The following MRRF variants were observed in gnomAD, a reference collection of about 807,000 sequenced individuals.
The protein encoded by MRRF is mitochondrial ribosome recycling factor, also known as ribosome-recycling factor, mitochondrial.
In MRRF, 18 loss-of-function variants were observed where a neutral mutation model predicts 25.1. The observed-to-expected ratio is 0.72, with a 90% CI of 0.50 to 1.06. The LOEUF (loss-of-function observed/expected upper bound fraction) is 1.06, where lower values mean the gene tolerates loss of function less well. Ranked by LOEUF, MRRF falls within the 50% of genes least tolerant of loss-of-function variation. The probability of loss-of-function intolerance (pLI) is 0.00; values close to 1 mark genes in which losing one functional copy is unlikely to be tolerated. For missense variants in MRRF, 323 were observed against 319.3 expected (o/e 1.01, Z -0.09); for synonymous variants, 113 against 112.1 (o/e 1.01, Z -0.05).
chr9:122,274,938 C>T (rs894387470), intron 2 of MRRF, among the ~76,000 whole-genome samples: 1 of 151,932 alleles, frequency 6.6e-6, no homozygotes, highest in Non-Finnish European at 1.5e-5. Flanking sequence ...CTGTTTCTAT[C>T]CTCTGAGTTG....
Position 122,291,803 on chromosome 9 carries a change from G to A in MRRF, c.514G>A (p.Glu172Lys). The change falls in exon 5 of 7, where the codon GAA becomes AAA. Residue 172 changes from glutamate to lysine, a missense_variant. Glu to Lys is a moderately conservative substitution (Grantham distance 56, BLOSUM62 1). Coordinates refer to ENST00000344641, the MANE Select transcript of MRRF (RefSeq NM_138777.5). The part of the protein sequence containing the change: ...IRESGMNLNP[E>K]VEGTLIRVPI... Reference sequence around the variant, plus strand: ...AGAAAGTGGAATGAATCTGAACCCAGAAGTGGAAGGGACGCTAATTCGGGT... The same window carrying A: ...AGAAAGTGGAATGAATCTGAACCCAAAAGTGGAAGGGACGCTAATTCGGGT... The A allele has an allele frequency of 6.2e-7, 1 of 1,614,012 alleles. No individual in the cohort carries two copies. Among genetic ancestry groups the A allele is most frequent in the Non-Finnish European group, 8.5e-7 (1 of 1,179,850 alleles).
intron 3 of MRRF, among the ~76,000 whole-genome samples, chr9:122,282,521 T>C (rs1833144107): frequency 6.6e-6 from 1 of 152,222 alleles, no homozygotes. Context: ...GAAGACCAAA[T>C]GACTTGGAGT....
chr9:122,285,627 T>C (rs778419002), intron 4 of MRRF: 6 of 570,864 alleles, frequency 1.1e-5, no homozygotes, highest in Non-Finnish European at 1.7e-5. Flanking sequence ...TCTGCCCAGC[T>C]CCTGCTGATC....
chr9:122,272,346 G>C (rs1031731524), intron 2 of MRRF, among the ~76,000 whole-genome samples: 1 of 152,164 alleles, frequency 6.6e-6, no homozygotes, highest in African/African-American at 2.4e-5. Context: ...GGGCTATTCA[G>C]TTTTGTCTTC....
chr9:122,313,505 A>G, intron 6 of MRRF, 119 bp downstream of exon 6: 3 of 1,151,506 alleles, frequency 2.6e-6, no homozygotes, highest in Non-Finnish European at 3.9e-6. Context: ...CATTATCACC[A>G]TTGTCTGAGT....
intron 5 of MRRF, among the ~76,000 whole-genome samples, chr9:122,311,559 A>AT (rs1404162290): frequency 2.0e-5 from 3 of 152,084 alleles, no homozygotes; most frequent in Non-Finnish European, 4.4e-5. Flanking sequence ...CTATATTATG[A>AT]TTTTGTTTTC....
At position 122,284,786 on chromosome 9, in the gene MRRF, AATT is replaced by A. The variant is rs772619150; in HGVS notation, c.341-370_341-368del. Among the ~76,000 whole-genome samples, 4 of 152,106 alleles carry A rather than the reference AATT, an allele frequency of 2.6e-5. No individual in the cohort carries two copies. The East Asian group carries it at 5.8e-4, about 22-fold the overall frequency. Reference sequence around the variant, plus strand: ...AATCCCTAAATGTTTGTTGAATCTGAATTATTATTATTATTTTGAGACAAGATC... The same window carrying A: ...AATCCCTAAATGTTTGTTGAATCTGAATTATTATTATTTTGAGACAAGATC... On this transcript the variant is annotated intron_variant, in intron 3 of 6. Coordinates refer to ENST00000344641, the MANE Select transcript of MRRF (RefSeq NM_138777.5).
Position 122,322,546 on chromosome 9 carries a change from C to G in MRRF, c.718C>G (p.Gln240Glu). 6.2e-7 allele frequency: 1 copy of G among 1,614,086 alleles called. No individual in the cohort carries two copies. Among genetic ancestry groups the G allele is most frequent in the Non-Finnish European group, 8.5e-7 (1 of 1,180,008 alleles). The stretch of plus-strand genomic sequence containing the variant: ...TCATTTTGTGTTCTTGCAGATCAGC[C>G]AAATGGCCGATGACACAGTGGCAGA... Reference protein sequence around the residue: ...TIRLIEKQISQMADDTVAELD... With the variant: ...TIRLIEKQISEMADDTVAELD... The change falls in exon 7 of 7, where the codon CAA becomes GAA. Residue 240 changes from glutamine to glutamate, a missense_variant. Transcript: ENST00000344641.
chr9:122,302,232 T>C (rs970647525), intron 5 of MRRF, among the ~76,000 whole-genome samples: 1 of 152,196 alleles, frequency 6.6e-6, no homozygotes, highest in Non-Finnish European at 1.5e-5. Context: ...ACTCAATGGT[T>C]TTTAGTACTG....
At chr9:122,317,084 A>G (rs1251275974) in intron 6 of MRRF, among the ~76,000 whole-genome samples, 1 of 150,252 alleles carries the variant, frequency 6.7e-6, no homozygotes, top group Non-Finnish European at 1.5e-5. Context: ...ATATATATAT[A>G]TATAAATCTT....
At chr9:122,274,896 C>T (rs1446107208) in intron 2 of MRRF, among the ~76,000 whole-genome samples, 2 of 151,648 alleles carry the variant, frequency 1.3e-5, no homozygotes, top group African/African-American at 4.8e-5. Flanking sequence ...GATTTCTGTT[C>T]TTTATTATTT....
At chr9:122,266,462 G>A (rs1832092543) in intron 1 of MRRF, among the ~76,000 whole-genome samples, 1 of 152,190 alleles carries the variant, frequency 6.6e-6, no homozygotes, top group African/African-American at 2.4e-5. Flanking sequence ...CATGTTTGAA[G>A]ACCCTGGAGC....
chr9:122,269,083 G>T (rs1019805816), intron 1 of MRRF, among the ~76,000 whole-genome samples: 1 of 150,936 alleles, frequency 6.6e-6, no homozygotes, highest in Non-Finnish European at 1.5e-5. Context: ...GTAGAATGGC[G>T]TGTACCCGGG....
In MRRF at chr9:122,322,813, G is replaced by C; in HGVS notation, c.*196G>C. 1.5e-6 allele frequency: 1 copy of C among 645,208 alleles called. No individual in the cohort carries two copies. The highest frequency in any genetic ancestry group is 2.8e-6 in the Non-Finnish European group (1 of 358,198). 40.0% of individuals were successfully genotyped at this position (645,208 alleles called of 1,614,324 possible). Reference sequence around the variant, plus strand: ...CTCTTCCTGCTTCTGCTCTGGGCCGGTGGGTGGCTCTCAGAAAATACTTGC... The same window carrying C: ...CTCTTCCTGCTTCTGCTCTGGGCCGCTGGGTGGCTCTCAGAAAATACTTGC... On this transcript the variant is annotated 3_prime_UTR_variant, in exon 7 of 7. Transcript: ENST00000344641.
At chr9:122,322,083 TG>T (rs1835923941) in intron 6 of MRRF, among the ~76,000 whole-genome samples, 3 of 152,242 alleles carry the variant, frequency 2.0e-5, no homozygotes, top group African/African-American at 7.2e-5. Flanking sequence ...TATATAGGCC[TG>T]GTGCGGTGGC....
At position 122,271,085 on chromosome 9, in the gene MRRF, T is replaced by C. The variant is rs746952898; in HGVS notation, c.184+10T>C. On this transcript the variant is annotated intron_variant, in intron 2 of 6. Coordinates refer to ENST00000344641, the MANE Select transcript of MRRF (RefSeq NM_138777.5). The stretch of plus-strand genomic sequence containing the variant: ...ACCAAGAAAGCCAAAGGTAGAGACA[T>C]GTGACGTTCTCTCCTACTTCACCCC... 2 of 1,611,668 alleles carry C rather than the reference T, an allele frequency of 1.2e-6. No individual in the cohort carries two copies. Among genetic ancestry groups the C allele is most frequent in the African/African-American group, 2.7e-5 (2 of 74,888 alleles).
At chr9:122,305,410 C>CA (rs371802454) in intron 5 of MRRF, among the ~76,000 whole-genome samples, 3,111 of 65,340 alleles carry the variant, frequency 0.048, 47 homozygotes, top group African/African-American at 0.064. Context: ...AGACTCATCT[C>CA]AAAAAAAAAA....
rs576035795 is a variant in MRRF, at chr9:122,330,690, G to A, written c.*8073G>A. On this transcript the variant is annotated 3_prime_UTR_variant, in exon 7 of 7. Coordinates refer to ENST00000344641, the MANE Select transcript of MRRF (RefSeq NM_138777.5). This position sits in a 1 kb window ranked among gnomAD's most constrained non-coding sequence, Gnocchi z 4.2. ...CATGCCTGGAATCTCAGCACTTTGGGTGGCTGAGGTGGGCGAGTCACTTGA... is the reference window on the plus strand; with the variant it reads ...CATGCCTGGAATCTCAGCACTTTGGATGGCTGAGGTGGGCGAGTCACTTGA... 4 of 152,390 alleles carry A rather than the reference G, an allele frequency of 2.6e-5. No individual in the cohort carries two copies. Among genetic ancestry groups the A allele is most frequent in the African/African-American group, 9.6e-5 (4 of 41,596 alleles). The allele number at this position is 152,390 out of a possible 1,614,324, so 9.4% of individuals were successfully genotyped here.
chr9:122,303,953 T>C (rs985907231), intron 5 of MRRF, among the ~76,000 whole-genome samples: 1 of 152,144 alleles, frequency 6.6e-6, no homozygotes, highest in African/African-American at 2.4e-5. Flanking sequence ...GTCTATAGTT[T>C]GTACATTCCA....
Sources: gnomAD v4.1 joint callset for allele counts (sites outside exome capture counted in the v4.1 genomes callset) on GRCh38, gnomAD v4.1.1 for gene constraint, Gnocchi (gnomAD v3.1) non-coding constraint, MANE v1.5 for transcripts, NCBI Gene and HGNC (gene_info 2026-07-23, HGNC 2026-07-21) for gene names.